The following TSHZ3 variants were observed in gnomAD, a reference collection of about 807,000 sequenced individuals.
TSHZ3 encodes the protein teashirt zinc finger homeobox 3, also known as teashirt homolog 3.
Under a neutral mutation model 64.5 loss-of-function variants are expected in TSHZ3, and 10 were observed. The observed-to-expected ratio is 0.16, with a 90% CI of 0.10 to 0.26. The LOEUF (loss-of-function observed/expected upper bound fraction) is 0.26, where lower values mean the gene tolerates loss of function less well. Among genes scored for constraint, TSHZ3 ranks in the 10% least tolerant of loss-of-function variants. The pLI, the probability that TSHZ3 is intolerant of heterozygous loss-of-function variation, is 1.00. For synonymous variants in TSHZ3, 608 were observed against 593.1 expected (o/e 1.03, Z -0.36); for missense variants, 1,242 against 1,421.7 (o/e 0.87, Z 2.03).
At chr19:31,289,091 T>A (rs1976516412) in intron 1 of TSHZ3, among the ~76,000 whole-genome samples, 1 of 152,214 alleles carries the variant, frequency 6.6e-6, no homozygotes, top group East Asian at 1.9e-4. Context: ...TAAAGGACTT[T>A]TCTAAGTTAA....
intron 5 of TSHZ3, among the ~76,000 whole-genome samples, chr19:31,197,336 A>C (rs1347432245): frequency 6.6e-6 from 1 of 151,908 alleles, no homozygotes; most frequent in East Asian, 1.9e-4. Context: ...ATATCATTAA[A>C]TGCATATATT....
chr19:31,331,878 G>C (rs1011694381), intron 1 of TSHZ3, among the ~76,000 whole-genome samples: 8 of 152,178 alleles, frequency 5.3e-5, no homozygotes, highest in Non-Finnish European at 1.2e-4. Context: ...AGCCAAGCCT[G>C]CCTCCCTGAC....
At chr19:31,223,860 G>A (rs1288675358) in intron 4 of TSHZ3, among the ~76,000 whole-genome samples, 2 of 152,088 alleles carry the variant, frequency 1.3e-5, no homozygotes, top group African/African-American at 2.4e-5. Context: ...TGGGGGTGAT[G>A]GGGGTTCTTC....
At chr19:31,336,429 G>A (rs1231263254) in intron 1 of TSHZ3, among the ~76,000 whole-genome samples, 5 of 152,168 alleles carry the variant, frequency 3.3e-5, no homozygotes, top group Non-Finnish European at 7.3e-5. Context: ...ATTCGAAGTA[G>A]GATGGATGGA....
intron 5 of TSHZ3, among the ~76,000 whole-genome samples, chr19:31,195,873 G>C (rs979600849): frequency 6.6e-6 from 1 of 151,902 alleles, no homozygotes; most frequent in Non-Finnish European, 1.5e-5. Flanking sequence ...TTAACAATGA[G>C]GATACTTTTT....
intron 4 of TSHZ3, among the ~76,000 whole-genome samples, chr19:31,217,147 C>T: frequency 6.6e-6 from 1 of 152,182 alleles, no homozygotes; most frequent in East Asian, 1.9e-4. Context: ...ACACATCCAA[C>T]CTGTGAAAAT....
At chr19:31,344,263 T>C (rs1339568374) in intron 1 of TSHZ3, among the ~76,000 whole-genome samples, 1 of 152,162 alleles carries the variant, frequency 6.6e-6, no homozygotes, top group Non-Finnish European at 1.5e-5. Context: ...TCTGTCCTTT[T>C]CCCCTCCATG....
intron 1 of TSHZ3, among the ~76,000 whole-genome samples, chr19:31,288,125 G>C (rs574808164): frequency 6.6e-6 from 1 of 152,094 alleles, no homozygotes; most frequent in Non-Finnish European, 1.5e-5. Context: ...TTTTTTGTTT[G>C]TTAATCCTTT....
Position 31,276,090 on chromosome 19 carries a change from G to T in TSHZ3, c.*457C>A, listed in dbSNP as rs532439992. 6.5e-6 allele frequency: 1 copy of T among 153,214 alleles called. No homozygotes were observed. Among genetic ancestry groups the T allele is most frequent in the East Asian group, 1.9e-4 (1 of 5,202 alleles). The allele number at this position is 153,214 out of a possible 1,614,324, so 9.5% of individuals were successfully genotyped here. Reference sequence around the variant, plus strand: ...GCTGGTAAGGAGTTTAAAAAACAGAGCTTCATACATTATTATTATTTTATT... The same window carrying T: ...GCTGGTAAGGAGTTTAAAAAACAGATCTTCATACATTATTATTATTTTATT... On this transcript the variant is annotated 3_prime_UTR_variant, in exon 2 of 2. Transcript: ENST00000240587.
chr19:31,211,393 A>G (rs944209674), intron 4 of TSHZ3, among the ~76,000 whole-genome samples: 2 of 152,210 alleles, frequency 1.3e-5, no homozygotes, highest in Non-Finnish European at 2.9e-5. Flanking sequence ...CAGAGGTAAG[A>G]TGGACTACAG....
At chr19:31,260,202 A>C (rs1253401560) in intron 1 of TSHZ3, among the ~76,000 whole-genome samples, 1 of 151,898 alleles carries the variant, frequency 6.6e-6, no homozygotes, top group African/African-American at 2.4e-5. Context: ...CCCAGCCAGC[A>C]ACTTCTACTC....
At chr19:31,244,244 T>G (rs1375663849) in intron 1 of TSHZ3, among the ~76,000 whole-genome samples, 1 of 152,130 alleles carries the variant, frequency 6.6e-6, no homozygotes, top group Non-Finnish European at 1.5e-5. Context: ...GCTCTCTTGA[T>G]AGTGAGTGAG....
At chr19:31,189,175 T>A (rs1336669522) in intron 5 of TSHZ3, among the ~76,000 whole-genome samples, 1 of 151,962 alleles carries the variant, frequency 6.6e-6, no homozygotes, top group Non-Finnish European at 1.5e-5. Flanking sequence ...TTAATTAACA[T>A]AGTTAGTAAT....
downstream of TSHZ3, among the ~76,000 whole-genome samples, chr19:31,271,868 A>T (rs911980168): frequency 6.6e-6 from 1 of 152,222 alleles, no homozygotes. Context: ...AGACGATAAT[A>T]GCTATTATTT....
intron 1 of TSHZ3, among the ~76,000 whole-genome samples, chr19:31,292,721 CCCATCCACCCATCCAT>C (rs1406906343): frequency 8.4e-6 from 1 of 118,644 alleles, no homozygotes; most frequent in Admixed American, 8.1e-5. Context: ...CCATCCAAAA[CCCATCCACCCATCCAT>C]CCATCCATCC....
chr19:31,322,892 T>C (rs978784369), intron 1 of TSHZ3, among the ~76,000 whole-genome samples: 2 of 152,210 alleles, frequency 1.3e-5, no homozygotes, highest in African/African-American at 4.8e-5. Context: ...TGATACAAGA[T>C]AACATCAACA....
At chr19:31,248,002 T>G (rs1342752226) in intron 1 of TSHZ3, among the ~76,000 whole-genome samples, 2 of 151,898 alleles carry the variant, frequency 1.3e-5, no homozygotes, top group South Asian at 2.1e-4. Context: ...ACAATCATGG[T>G]GGAAGGTGAA....
At chr19:31,319,859 T>C (rs768579720) in intron 1 of TSHZ3, among the ~76,000 whole-genome samples, 3 of 149,394 alleles carry the variant, frequency 2.0e-5, no homozygotes, top group Non-Finnish European at 4.4e-5. Flanking sequence ...CTGAATGACA[T>C]ATATGGACTC....
chr19:31,332,173 C>G (rs1917115704), intron 1 of TSHZ3, among the ~76,000 whole-genome samples: 2 of 152,042 alleles, frequency 1.3e-5, no homozygotes, highest in African/African-American at 4.8e-5. Flanking sequence ...TGGTGTGTTC[C>G]CGGCCTCCTG....
Sources: gnomAD v4.1 joint callset for allele counts (sites outside exome capture counted in the v4.1 genomes callset) on GRCh38, gnomAD v4.1.1 for gene constraint, MANE v1.5 for transcripts, NCBI Gene and HGNC (gene_info 2026-07-23, HGNC 2026-07-21) for gene names.